ZNF608: variants seen among roughly 807,000 people sequenced by gnomAD.
ZNF608 encodes renal carcinoma antigen NY-REN-36.
In ZNF608, 12 loss-of-function variants were observed where a neutral mutation model predicts 109.0. That is an observed-to-expected ratio of 0.11 (90% confidence interval 0.07 to 0.18). The LOEUF (loss-of-function observed/expected upper bound fraction) is 0.18. ZNF608 is among the 10% of genes least tolerant of loss of function. The pLI, the probability that ZNF608 is intolerant of heterozygous loss-of-function variation, is 1.00. For synonymous variants in ZNF608, 732 were observed against 717.4 expected (o/e 1.02, Z -0.33); for missense variants, 1,707 against 1,879.3 (o/e 0.91, Z 1.70).
In ZNF608 at chr5:124,686,679, G is replaced by T. The variant is rs1291577128; in HGVS notation, c.1162+14335C>A. On this transcript the variant is annotated intron_variant, in intron 3 of 9. Transcript: ENST00000513986. ...TTTGCAGGTTCTCTTTAAACAAGTTGGCCTCTGCTGCTGCTCAAGTGAAAT... is the reference window on the plus strand; with the variant it reads ...TTTGCAGGTTCTCTTTAAACAAGTTTGCCTCTGCTGCTGCTCAAGTGAAAT... Among the ~76,000 whole-genome samples, 5 of 152,312 alleles carry T rather than the reference G, an allele frequency of 3.3e-5. No individual in the cohort carries two copies. In the East Asian group the frequency reaches 9.6e-4, roughly 29 times the overall value.
chr5:124,686,731 C>T (rs1156989539), intron 3 of ZNF608, among the ~76,000 whole-genome samples: 20 of 152,206 alleles, frequency 1.3e-4, no homozygotes, highest in Admixed American at 1.3e-3. Flanking sequence ...TCTCAGTCAG[C>T]TCTGTCAACT....
rs575942035 is a variant in ZNF608 at position 124,642,290 on chromosome 5, A to G, written c.4297-885T>C. Among the ~76,000 whole-genome samples, 7 of 152,322 alleles carry G rather than the reference A, an allele frequency of 4.6e-5. 1 individual carries two copies. The South Asian group carries it at 1.5e-3, about 32-fold the overall frequency. On this transcript the variant is annotated intron_variant, in intron 7 of 9. Transcript: ENST00000513986. The stretch of plus-strand genomic sequence containing the variant: ...TGGGGAAGAGCCATCTTTCACAGAC[A>G]TTGTATTACTTCAGCAGAGTTAAAG...
At chr5:124,642,305 C>T (rs1292035146) in intron 7 of ZNF608, among the ~76,000 whole-genome samples, 1 of 152,172 alleles carries the variant, frequency 6.6e-6, no homozygotes, top group East Asian at 1.9e-4. Flanking sequence ...ATTACTTCAG[C>T]AGAGTTAAAG....
rs1750013746 is a variant in ZNF608 at position 124,637,073 on chromosome 5, A to C, written c.*827T>G. 7.0e-6 allele frequency: 1 copy of C among 143,682 alleles called. No individual in the cohort carries two copies. Among genetic ancestry groups the C allele is most frequent in the Non-Finnish European group, 1.5e-5 (1 of 66,666 alleles). 8.9% of individuals were successfully genotyped at this position (143,682 alleles called of 1,614,324 possible). ...GGCGTTAAAGTCTCTCTCTTCTAAAACTGGATAATTGTAAACATTAAAAAA... is the reference window on the plus strand; with the variant it reads ...GGCGTTAAAGTCTCTCTCTTCTAAACCTGGATAATTGTAAACATTAAAAAA... On this transcript the variant is annotated 3_prime_UTR_variant, in exon 10 of 10. Transcript: ENST00000513986.
intron 4 of ZNF608, 74 bp from the exon 5 acceptor site, chr5:124,649,207 C>T: frequency 2.3e-6 from 3 of 1,297,892 alleles, no homozygotes; most frequent in Non-Finnish European, 2.1e-6. Context: ...GTACACAATG[C>T]AGTAAAGAGG....
At chr5:124,697,458 C>A (rs1347382441) in intron 3 of ZNF608, among the ~76,000 whole-genome samples, 1 of 152,008 alleles carries the variant, frequency 6.6e-6, no homozygotes, top group Admixed American at 6.6e-5. Flanking sequence ...TAAGGAAATT[C>A]TTTCCAACAT....
chr5:124,647,175 CT>C lies in ZNF608; in HGVS notation c.3208del (p.Arg1070AspfsTer25). The C allele has an allele frequency of 6.2e-7, 1 of 1,614,202 alleles. No homozygotes were observed. Among genetic ancestry groups the C allele is most frequent in the Non-Finnish European group, 8.5e-7 (1 of 1,180,048 alleles). On this transcript the variant is annotated frameshift_variant, in exon 5 of 10. Coordinates refer to ENST00000513986, the MANE Select transcript of ZNF608 (RefSeq NM_020747.3). LOFTEE classifies it high-confidence loss of function. ...AAGTGACTGAGCCAGGGCAGGATGT[CT>C]TTGTGTGATCACCGACTGGTGCTGA... ...QPQHQSVITQRHPALAQSLYY... is the reference protein window; with the variant it reads ...QPQHQSVITQXHPALAQSLYY...
chr5:124,666,529 C>A (rs754085978), intron 3 of ZNF608: 1 of 152,168 alleles, frequency 6.6e-6, no homozygotes, highest in Non-Finnish European at 1.5e-5. Context: ...CTTTAGGCTA[C>A]TAGCAATCAT....
chr5:124,740,141 A>G (rs1749322968), intron 2 of ZNF608, among the ~76,000 whole-genome samples: 1 of 152,186 alleles, frequency 6.6e-6, no homozygotes, highest in South Asian at 2.1e-4. Flanking sequence ...TCAGTTATGC[A>G]TATTCCTTCT....
rs1753995386 is a variant in ZNF608 at position 124,723,053 on chromosome 5, C to A, written c.906+21031G>T. Among the ~76,000 whole-genome samples, 3 of 145,560 alleles carry A rather than the reference C, an allele frequency of 2.1e-5. No individual in the cohort carries two copies. In the South Asian group the frequency reaches 6.5e-4, roughly 32 times the overall value. On this transcript the variant is annotated intron_variant, in intron 2 of 9. Transcript: ENST00000513986. The stretch of plus-strand genomic sequence containing the variant: ...AAAAATTTTTTTTTTTTTTTTGAGA[C>A]AAGGTCTTTCTGTGTTTCCCAGGCT...
At chr5:124,722,170 C>T (rs1753952353) in intron 2 of ZNF608, among the ~76,000 whole-genome samples, 1 of 151,926 alleles carries the variant, frequency 6.6e-6, no homozygotes, top group Non-Finnish European at 1.5e-5. Context: ...AGCAACATGG[C>T]AATTTTCTGA....
At chr5:124,736,449 A>T (rs1749151839) in intron 2 of ZNF608, among the ~76,000 whole-genome samples, 1 of 152,246 alleles carries the variant, frequency 6.6e-6, no homozygotes, top group African/African-American at 2.4e-5. Flanking sequence ...TGGAAAAAAA[A>T]GTTAGAAGAT....
In ZNF608 at chr5:124,746,604, T is replaced by C. The variant is rs1749650175; in HGVS notation, c.-593A>G. 1.0e-6 allele frequency: 1 copy of C among 985,324 alleles called. No homozygotes were observed. The highest frequency in any genetic ancestry group is 1.2e-6 in the Non-Finnish European group (1 of 829,918). 61.0% of individuals were successfully genotyped at this position (985,324 alleles called of 1,614,324 possible). ...TCAGAGTCACCGTGATCAGTAATGA[T>C]CCCATGTAGCAAACCTACAGGCGTC... On this transcript the variant is annotated 5_prime_UTR_variant, in exon 1 of 10. Coordinates refer to ENST00000513986, the MANE Select transcript of ZNF608 (RefSeq NM_020747.3).
Position 124,736,737 on chromosome 5 carries a change from T to G in ZNF608, c.906+7347A>C, listed in dbSNP as rs554850195. ...GCCAGATGTGCTTTTCCTAAGAAAC[T>G]AAACCAGGAGTTTTCTTTAATCAAA... On this transcript the variant is annotated intron_variant, in intron 2 of 9. Coordinates refer to ENST00000513986, the MANE Select transcript of ZNF608 (RefSeq NM_020747.3). 4.6e-5 allele frequency among the ~76,000 whole-genome samples: 7 copies of G among 152,340 alleles called. No homozygotes were observed. The East Asian group carries it at 1.3e-3, about 29-fold the overall frequency.
At chr5:124,638,254 G>GA (rs1561525081) in intron 9 of ZNF608, among the ~76,000 whole-genome samples, 1 of 145,520 alleles carries the variant, frequency 6.9e-6, no homozygotes, top group African/African-American at 2.5e-5. Context: ...CCGGCCAACA[G>GA]TTTTTTTTTT....
intron 3 of ZNF608, among the ~76,000 whole-genome samples, chr5:124,668,178 C>T (rs1751558947): frequency 7.0e-6 from 1 of 142,622 alleles, no homozygotes; most frequent in African/African-American, 2.6e-5. Context: ...CATATGGAGA[C>T]CTTCTCTATG....
intron 3 of ZNF608, among the ~76,000 whole-genome samples, chr5:124,660,013 T>A (rs1001901392): frequency 6.6e-6 from 1 of 152,262 alleles, no homozygotes; most frequent in African/African-American, 2.4e-5. Context: ...GGCCACCAGC[T>A]GTGTCCTCTG....
intron 3 of ZNF608, 139 bp from the exon 4 acceptor site, chr5:124,649,836 T>A (rs1474782704): frequency 1.8e-6 from 1 of 548,924 alleles, no homozygotes; most frequent in Non-Finnish European, 3.2e-6. Context: ...TTTGCATTCT[T>A]CCTCTTTCTG....
chr5:124,666,854 G>A (rs1318617184), intron 3 of ZNF608, among the ~76,000 whole-genome samples: 1 of 151,508 alleles, frequency 6.6e-6, no homozygotes, highest in East Asian at 1.9e-4. Context: ...ATAGAAACTT[G>A]GCAAATATGT....
Sources: gnomAD v4.1 joint callset for allele counts (sites outside exome capture counted in the v4.1 genomes callset) on GRCh38, gnomAD v4.1.1 for gene constraint, MANE v1.5 for transcripts, NCBI Gene and HGNC (gene_info 2026-07-23, HGNC 2026-07-21) for gene names.